Variants in PLAT observed in about 807,000 individuals in gnomAD.
PLAT encodes the protein tissue-type plasminogen activator.
In PLAT, 48 loss-of-function variants were observed where a neutral mutation model predicts 74.9. The observed-to-expected ratio is 0.64, with a 90% CI of 0.51 to 0.82. PLAT has a LOEUF of 0.82. Ranked by LOEUF, PLAT falls within the 40% of genes least tolerant of loss-of-function variation. The pLI, the probability that PLAT is intolerant of heterozygous loss-of-function variation, is 0.00. For missense variants in PLAT, 673 were observed against 736.2 expected (o/e 0.91, Z 0.99); for synonymous variants, 307 against 294.4 (o/e 1.04, Z -0.44).
chr8:42,202,397 C>G (rs1275110843), intron 1 of PLAT, among the ~76,000 whole-genome samples: 2 of 152,150 alleles, frequency 1.3e-5, no homozygotes, highest in African/African-American at 4.8e-5. Context: ...TGTCCCCTGC[C>G]TTCTGGAGAC....
chr8:42,206,860 G>A (rs1377062086), intron 1 of PLAT, among the ~76,000 whole-genome samples: 3 of 152,158 alleles, frequency 2.0e-5, no homozygotes, highest in African/African-American at 7.2e-5. Context: ...TGCACCCTGG[G>A]CAAAAAGCCA....
At chr8:42,187,219 C>G (rs1805513395) in intron 6 of PLAT, 179 bp downstream of exon 6, 3 of 508,900 alleles carry the variant, frequency 5.9e-6, no homozygotes, top group Non-Finnish European at 1.0e-5. Context: ...CACCTATCAT[C>G]TATCATCTAT....
Position 42,180,677 on chromosome 8 carries a change from C to A in PLAT, c.898G>T (p.Gly300Cys). The part of the protein sequence containing the change: ...YCDVPSCSTC[G>C]LRQYSQPQFR... Reference sequence around the variant, plus strand: ...TGAGGCTGGCTGTACTGTCTCAGGCCGCAGGTGGCTGGGGAGGAAAGGACG... The same window carrying A: ...TGAGGCTGGCTGTACTGTCTCAGGCAGCAGGTGGCTGGGGAGGAAAGGACG... The change falls in exon 10 of 14, where the codon GGC becomes TGC. Residue 300 changes from glycine to cysteine, a missense_variant. Physicochemically the swap from Gly to Cys is radical, Grantham distance 159 (BLOSUM62 -3). Coordinates refer to ENST00000220809, the MANE Select transcript of PLAT (RefSeq NM_000930.5). The A allele has an allele frequency of 6.4e-7, 1 of 1,566,660 alleles. No individual in the cohort carries two copies. The highest frequency in any genetic ancestry group is 8.7e-7 in the Non-Finnish European group (1 of 1,154,886).
chr8:42,189,901 AT>A (rs2129758237), intron 3 of PLAT, among the ~76,000 whole-genome samples: 2 of 145,986 alleles, frequency 1.4e-5, no homozygotes, highest in African/African-American at 5.2e-5. Context: ...GCCCAGCCTA[AT>A]TTTTTCTTTT....
At chr8:42,197,023 G>A (rs956905919) in intron 1 of PLAT, among the ~76,000 whole-genome samples, 3 of 152,152 alleles carry the variant, frequency 2.0e-5, no homozygotes, top group Non-Finnish European at 4.4e-5. Flanking sequence ...AGACCCCAAG[G>A]CCTAGCCCTG....
chr8:42,192,072 T>C (rs959472362), intron 2 of PLAT, among the ~76,000 whole-genome samples: 1 of 149,342 alleles, frequency 6.7e-6, no homozygotes, highest in Non-Finnish European at 1.5e-5. Context: ...GGCGTAATCA[T>C]ATCTCACTGA....
At chr8:42,199,809 G>A (rs796454444) in intron 1 of PLAT, among the ~76,000 whole-genome samples, 22 of 152,340 alleles carry the variant, frequency 1.4e-4, no homozygotes, top group African/African-American at 5.3e-4. Flanking sequence ...AATGTTAACT[G>A]CAAAGTCTGC....
At chr8:42,183,665 A>T (rs1298812798) in intron 7 of PLAT, among the ~76,000 whole-genome samples, 2 of 151,370 alleles carry the variant, frequency 1.3e-5, no homozygotes, top group Non-Finnish European at 2.9e-5. Flanking sequence ...CCATTTTTCC[A>T]TTTTTTTCTC....
chr8:42,204,363 T>C (rs759023805), intron 1 of PLAT, among the ~76,000 whole-genome samples: 16 of 151,964 alleles, frequency 1.1e-4, no homozygotes, highest in Non-Finnish European at 1.9e-4. Context: ...GTCCCAACAA[T>C]CTCATCAAAG....
chr8:42,184,455 G>T (rs1035433480), intron 7 of PLAT, among the ~76,000 whole-genome samples: 1 of 151,976 alleles, frequency 6.6e-6, no homozygotes, highest in African/African-American at 2.4e-5. Flanking sequence ...CATCTCCCAG[G>T]TTCAAGCAAT....
chr8:42,196,741 G>C (rs1037963026), intron 1 of PLAT, among the ~76,000 whole-genome samples: 4 of 152,002 alleles, frequency 2.6e-5, no homozygotes, highest in Admixed American at 2.6e-4. Context: ...GGAAGGGATG[G>C]AAGAGGCTCA....
intron 12 of PLAT, 126 bp downstream of exon 12, chr8:42,179,800 G>A (rs1005252824): frequency 9.7e-6 from 9 of 924,310 alleles, no homozygotes; most frequent in Non-Finnish European, 1.3e-5. Flanking sequence ...ACAGGGAGAC[G>A]GGACTGGCGT....
At chr8:42,200,978 T>C (rs917590061) in intron 1 of PLAT, among the ~76,000 whole-genome samples, 9 of 152,160 alleles carry the variant, frequency 5.9e-5, no homozygotes, top group Admixed American at 1.3e-4. Flanking sequence ...TACAAGTGTG[T>C]GCCACCATGC....
chr8:42,188,289 A>T, intron 4 of PLAT: 1 of 379,090 alleles, frequency 2.6e-6, no homozygotes, highest in Non-Finnish European at 4.7e-6. Flanking sequence ...GAGTTAAAAT[A>T]TTAAGAATGT....
At chr8:42,179,836 T>A (rs1378715253) in intron 12 of PLAT, 90 bp downstream of exon 12, 1 of 1,329,980 alleles carries the variant, frequency 7.5e-7, no homozygotes, top group East Asian at 2.6e-5. Flanking sequence ...GGCTGGAACT[T>A]CGGTCTCCTG....
chr8:42,186,983 A>AT (rs748930339), intron 6 of PLAT: 1 of 158,338 alleles, frequency 6.3e-6, no homozygotes, highest in African/African-American at 2.4e-5. Context: ...TGTATCTATC[A>AT]TCTATCTTTC....
At position 42,180,566 on chromosome 8, in the gene PLAT, C is replaced by T. The variant is rs766253640; in HGVS notation, c.1009G>A (p.Gly337Arg). The change falls in exon 10 of 14, where the codon GGA (glycine) becomes AGA (arginine). Residue 337 changes from glycine to arginine, a missense_variant. Gly to Arg is a moderately radical substitution (Grantham distance 125). Transcript: ENST00000220809. ...ATGCCCCCGCACAGGAACCGCTCTCCGGGCGACCTCCTGTGCTTGGCAAAG... is the reference window on the plus strand; with the variant it reads ...ATGCCCCCGCACAGGAACCGCTCTCTGGGCGACCTCCTGTGCTTGGCAAAG... Reference protein sequence around the residue: ...AIFAKHRRSPGERFLCGGILI... With the variant: ...AIFAKHRRSPRERFLCGGILI... 4.3e-5 allele frequency: 70 copies of T among 1,614,006 alleles called. No individual in the cohort carries two copies. Among genetic ancestry groups the T allele is most frequent in the South Asian group, 5.5e-5 (5 of 91,080 alleles).
In PLAT at chr8:42,175,021, A is replaced by G. The variant is rs1232450967; in HGVS notation, c.*972T>C. On this transcript the variant is annotated 3_prime_UTR_variant, in exon 14 of 14. Transcript: ENST00000220809. ...GCCCTTTTGTGACCGGCTCCACTGT[A>G]CCTTGGTACTTCTCTAAATGCCATA... Among the ~76,000 whole-genome samples the G allele has an allele frequency of 6.6e-6, 1 of 152,120 alleles. No homozygotes were observed. Among genetic ancestry groups the G allele is most frequent in the Admixed American group, 6.6e-5 (1 of 15,264 alleles).
Position 42,185,013 on chromosome 8 carries a change from TC to T in PLAT, c.631+67del, listed in dbSNP as rs951488579. The T allele has an allele frequency of 5.7e-6, 6 of 1,052,748 alleles. No homozygotes were observed. The African/African-American group carries it at 8.1e-5, about 14-fold the overall frequency. The allele number at this position is 1,052,748 out of a possible 1,614,324, so 65.2% of individuals were successfully genotyped here. ...TCTCCCCTCAGGTGCAGGAGGGCTA[TC>T]GGCCTGTCCTCCTGGACTTTCCTCC... is the stretch of plus-strand genomic sequence containing the variant. On this transcript the variant is annotated intron_variant, in intron 7 of 13. Transcript: ENST00000220809.
Sources: allele counts gnomAD v4.1 joint callset (sites outside exome capture counted in the v4.1 genomes callset), GRCh38; gene constraint gnomAD v4.1.1; transcripts MANE v1.5; gene names NCBI Gene and HGNC (gene_info 2026-07-23, HGNC 2026-07-21).